SLC44A3: variants seen among roughly 807,000 people sequenced by gnomAD.
SLC44A3 encodes the protein solute carrier family 44 member 3.
A neutral mutation model predicts 75.4 loss-of-function variants in SLC44A3; 74 were observed. That is an observed-to-expected ratio of 0.98 (90% CI 0.81 to 1.19). SLC44A3 has a LOEUF of 1.19. SLC44A3 is among the 50% of genes most tolerant of loss of function. The probability of loss-of-function intolerance (pLI) is 0.00; values close to 1 mark genes in which losing one functional copy is unlikely to be tolerated. For missense variants in SLC44A3, 700 were observed against 778.6 expected (o/e 0.90, Z 1.20); for synonymous variants, 310 against 296.9 (o/e 1.04, Z -0.45).
In SLC44A3 at chr1:94,845,523, G is replaced by A. The variant is rs1049521430; in HGVS notation, c.1072+59G>A. On this transcript the variant is annotated intron_variant, in intron 9 of 14. Coordinates refer to ENST00000271227, the MANE Select transcript of SLC44A3 (RefSeq NM_001114106.3). ...GGAGTCATACACAGAAGACCATTTT[G>A]GAACCACTGGCCTGTTTCTGTAGGC... 1.0e-5 allele frequency: 15 copies of A among 1,498,720 alleles called. No homozygotes were observed. The African/African-American group carries it at 1.7e-4, about 17-fold the overall frequency. 92.8% of individuals were successfully genotyped at this position (1,498,720 alleles called of 1,614,324 possible). A position where few individuals can be genotyped will look rare whatever the true frequency, so the allele number is the denominator to read the frequency against.
At chr1:94,827,018 C>G (rs58537338) in intron 3 of SLC44A3, among the ~76,000 whole-genome samples, 1 of 152,326 alleles carries the variant, frequency 6.6e-6, no homozygotes, top group South Asian at 2.1e-4. Context: ...TGTCCTGGCT[C>G]TCAACCTGGG....
chr1:94,877,514 G>A (rs1193680750), intron 12 of SLC44A3, among the ~76,000 whole-genome samples: 1 of 152,128 alleles, frequency 6.6e-6, no homozygotes, highest in Non-Finnish European at 1.5e-5. Context: ...CAGAAGCAAA[G>A]AGAGCAAAGT....
intron 12 of SLC44A3, among the ~76,000 whole-genome samples, chr1:94,871,365 C>G (rs1298658543): frequency 2.0e-5 from 3 of 152,174 alleles, no homozygotes; most frequent in Non-Finnish European, 4.4e-5. Flanking sequence ...AGTTAGTGGT[C>G]AAAGCGTCTG....
rs761828452 is a variant in SLC44A3 at position 94,837,862 on chromosome 1, C to T, written c.661C>T (p.Leu221Phe). ...AGATACAATCCTTGGCCTGTGTATC[C>T]TCGCATTAGGTAATTCTCAGTTAAG... Reference protein sequence around the residue: ...GRDTILGLCILALALSLAMMF... With the variant: ...GRDTILGLCIFALALSLAMMF... Residue 221 changes from leucine (L) to phenylalanine (F), a missense_variant, in exon 6 of 15, where the codon CTC (leucine) becomes TTC (phenylalanine). Transcript: ENST00000271227. 2.5e-6 allele frequency: 4 copies of T among 1,594,028 alleles called. No homozygotes were observed. Among genetic ancestry groups the T allele is most frequent in the East Asian group, 2.3e-5 (1 of 44,298 alleles).
At chr1:94,832,390 A>G (rs1160712566) in intron 5 of SLC44A3, among the ~76,000 whole-genome samples, 2 of 152,184 alleles carry the variant, frequency 1.3e-5, no homozygotes, top group African/African-American at 2.4e-5. Flanking sequence ...AGTGTGCAGT[A>G]TACTTTTGCA....
chr1:94,867,834 A>G (rs531262842), intron 12 of SLC44A3, among the ~76,000 whole-genome samples: 2 of 147,380 alleles, frequency 1.4e-5, no homozygotes, highest in East Asian at 4.1e-4. Context: ...CCCTAGAACC[A>G]TAGGCCTTTA....
intron 7 of SLC44A3, 73 bp from the exon 8 acceptor site, chr1:94,841,927 T>A: frequency 6.6e-7 from 1 of 1,517,162 alleles, no homozygotes; most frequent in Non-Finnish European, 8.8e-7. Context: ...GGACTTCCTG[T>A]GTGATTCTGT....
At chr1:94,891,057 C>A in intron 12 of SLC44A3, 73 bp from the exon 13 acceptor site, 1 of 1,355,616 alleles carries the variant, frequency 7.4e-7, no homozygotes, top group Non-Finnish European at 1.0e-6. Context: ...TTTGCAAACA[C>A]TCTGTATTAA....
At chr1:94,882,574 G>A (rs755394876) in intron 12 of SLC44A3, among the ~76,000 whole-genome samples, 1 of 152,140 alleles carries the variant, frequency 6.6e-6, no homozygotes, top group African/African-American at 2.4e-5. Context: ...CTCCAACTGG[G>A]AAAGAGCTTG....
At chr1:94,853,103 C>T (rs974251898) in intron 9 of SLC44A3, among the ~76,000 whole-genome samples, 2 of 152,110 alleles carry the variant, frequency 1.3e-5, no homozygotes, top group Non-Finnish European at 2.9e-5. Flanking sequence ...AAGGACTGTG[C>T]TTTGAGGCAC....
chr1:94,861,516 T>TA (rs938200859), intron 10 of SLC44A3, among the ~76,000 whole-genome samples: 44 of 152,202 alleles, frequency 2.9e-4, no homozygotes, highest in African/African-American at 9.2e-4. Flanking sequence ...TTACTTTGAT[T>TA]AAAAAAAATT....
chr1:94,874,139 C>A (rs1240282258), intron 12 of SLC44A3, among the ~76,000 whole-genome samples: 3 of 152,218 alleles, frequency 2.0e-5, no homozygotes, highest in Non-Finnish European at 4.4e-5. Flanking sequence ...CCACACCCAG[C>A]TGTTGTGTGG....
In SLC44A3 at chr1:94,859,844, T is replaced by C. The variant is rs78896692; in HGVS notation, c.1238+2344T>C. Among the ~76,000 whole-genome samples, 750 of 152,218 alleles carry C rather than the reference T, an allele frequency of 4.9e-3. 33 individuals are homozygous for C. In the East Asian group the frequency reaches 0.11, roughly 22 times the overall value. On this transcript the variant is annotated intron_variant, in intron 10 of 14. Transcript: ENST00000271227. ...TGTTGGCAGCTCATTTGATATTCCC[T>C]AGGAAGAGGTTAGAGGATGCTTTTG...
At chr1:94,821,087 C>G (rs747453770) in intron 2 of SLC44A3, 31 bp downstream of exon 2, 93 of 1,523,238 alleles carry the variant, frequency 6.1e-5, no homozygotes, top group Non-Finnish European at 7.3e-5. Context: ...GGAAAGAGGC[C>G]AGAGTGTGTG....
chr1:94,871,665 A>G (rs1667776740), intron 12 of SLC44A3, among the ~76,000 whole-genome samples: 1 of 152,222 alleles, frequency 6.6e-6, no homozygotes, highest in African/African-American at 2.4e-5. Flanking sequence ...CCCACTGGTG[A>G]GCCCCAGGAC....
intron 12 of SLC44A3, among the ~76,000 whole-genome samples, chr1:94,885,945 G>A (rs769385814): frequency 1.8e-4 from 27 of 152,336 alleles, no homozygotes; most frequent in Middle Eastern, 3.4e-3. Context: ...GCTATCATTA[G>A]GTCTGTGCCA....
intron 12 of SLC44A3, among the ~76,000 whole-genome samples, chr1:94,870,445 G>A (rs915176273): frequency 8.5e-5 from 13 of 152,174 alleles, no homozygotes; most frequent in African/African-American, 3.1e-4. Flanking sequence ...TAAGTGTTGG[G>A]ATAGGGCTGT....
chr1:94,854,013 G>A (rs756871801), intron 9 of SLC44A3, among the ~76,000 whole-genome samples: 12 of 152,004 alleles, frequency 7.9e-5, no homozygotes, highest in Non-Finnish European at 1.3e-4. Flanking sequence ...ACCCTGTGTG[G>A]CACTCACTGT....
chr1:94,879,260 G>A (rs1401689399), intron 12 of SLC44A3, among the ~76,000 whole-genome samples: 4 of 151,660 alleles, frequency 2.6e-5, no homozygotes, highest in African/African-American at 4.8e-5. Context: ...ACGGCCGGGC[G>A]CAGTGGCTCA....
Sources: gnomAD v4.1 joint callset for allele counts (sites outside exome capture counted in the v4.1 genomes callset) on GRCh38, gnomAD v4.1.1 for gene constraint, MANE v1.5 for transcripts, NCBI Gene and HGNC (gene_info 2026-07-23, HGNC 2026-07-21) for gene names.